The following CTNNA2 variants were observed in gnomAD, a reference collection of about 807,000 sequenced individuals.
CTNNA2 encodes catenin alpha-2.
CTNNA2 carries 42 observed loss-of-function variants against 101.0 expected under a neutral mutation model. The observed-to-expected ratio is 0.42, with a 90% CI of 0.32 to 0.54. CTNNA2 has a LOEUF of 0.54. CTNNA2 is among the 20% of genes least tolerant of loss of function. The pLI, the probability that CTNNA2 is intolerant of heterozygous loss-of-function variation, is 0.14. For synonymous variants in CTNNA2, 450 were observed against 456.4 expected (o/e 0.99, Z 0.18); for missense variants, 871 against 1,223.1 (o/e 0.71, Z 4.29).
At chr2:80,578,736 G>T (rs1695280777) in intron 13 of CTNNA2, among the ~76,000 whole-genome samples, 1 of 152,094 alleles carries the variant, frequency 6.6e-6, no homozygotes, top group Non-Finnish European at 1.5e-5. Flanking sequence ...CACTTGCTAG[G>T]TGTGATGCTT....
At chr2:79,727,992 G>C (rs1686964313) in intron 2 of CTNNA2, among the ~76,000 whole-genome samples, 1 of 151,950 alleles carries the variant, frequency 6.6e-6, no homozygotes, top group Admixed American at 6.6e-5. Flanking sequence ...GGACATTTGG[G>C]TTGGTTCCAA....
intron 3 of CTNNA2, among the ~76,000 whole-genome samples, chr2:79,365,382 G>A (rs1021350481): frequency 6.6e-6 from 1 of 152,158 alleles, no homozygotes; most frequent in African/African-American, 2.4e-5. Flanking sequence ...CAGCACTCTG[G>A]GAGGCCAAGG....
chr2:79,638,054 TC>T (rs1237490626), intron 1 of CTNNA2, among the ~76,000 whole-genome samples: 3 of 152,194 alleles, frequency 2.0e-5, no homozygotes, highest in Non-Finnish European at 4.4e-5. Context: ...GACCAAGGAC[TC>T]CCATTCACTC....
chr2:80,451,902 C>A lies in CTNNA2; in HGVS notation c.1290+32301C>A, dbSNP rs1458020781. Among the ~76,000 whole-genome samples, 4 of 151,924 alleles carry A rather than the reference C, an allele frequency of 2.6e-5. No homozygotes were observed. The East Asian group carries it at 7.7e-4, about 29-fold the overall frequency. ...AAAAGATTTTTACATATATTTAAAT[C>A]AGCATATACTAGAATAGGTTTAAGA... On this transcript the variant is annotated intron_variant, in intron 9 of 18. Coordinates refer to ENST00000402739, the MANE Select transcript of CTNNA2 (RefSeq NM_001282597.3).
intron 7 of CTNNA2, among the ~76,000 whole-genome samples, chr2:80,014,687 C>T (rs892673304): frequency 1.3e-5 from 2 of 152,174 alleles, no homozygotes; most frequent in African/African-American, 4.8e-5. Context: ...CTCTTTTTCT[C>T]TCTCCCTCTC....
intron 7 of CTNNA2, among the ~76,000 whole-genome samples, chr2:80,164,456 A>G (rs543556485): frequency 6.6e-5 from 10 of 152,114 alleles, no homozygotes; most frequent in African/African-American, 2.2e-4. Context: ...CACTTTATTT[A>G]TAGTTATTGT....
At chr2:79,681,837 A>C (rs1242636957) in intron 2 of CTNNA2, among the ~76,000 whole-genome samples, 1 of 152,216 alleles carries the variant, frequency 6.6e-6, no homozygotes, top group Non-Finnish European at 1.5e-5. Flanking sequence ...CACGGGCTTT[A>C]GCAATACTGT....
intron 3 of CTNNA2, among the ~76,000 whole-genome samples, chr2:79,745,327 G>A (rs6547270): frequency 0.44 from 66,799 of 151,632 alleles, 16,607 homozygotes; most frequent in African/African-American, 0.69. Context: ...GCCACTCAGG[G>A]GGCTGAGACA....
chr2:80,244,595 G>T (rs1362278456), intron 7 of CTNNA2, among the ~76,000 whole-genome samples: 1 of 152,212 alleles, frequency 6.6e-6, no homozygotes, highest in East Asian at 1.9e-4. Context: ...AGGAAGCTAA[G>T]TCAGGCTTCA....
intron 7 of CTNNA2, among the ~76,000 whole-genome samples, chr2:80,092,663 A>G (rs1311730883): frequency 6.6e-6 from 1 of 151,936 alleles, no homozygotes; most frequent in Non-Finnish European, 1.5e-5. Context: ...GATCATTGCC[A>G]TGGTTACAAA....
chr2:79,765,356 A>G (rs1261045410), intron 3 of CTNNA2, among the ~76,000 whole-genome samples: 1 of 152,168 alleles, frequency 6.6e-6, no homozygotes, highest in Admixed American at 6.5e-5. Flanking sequence ...AGCTATCTAA[A>G]TTATCTGCAT....
intron 1 of CTNNA2, among the ~76,000 whole-genome samples, chr2:79,604,504 G>T (rs1677757562): frequency 6.6e-6 from 1 of 152,188 alleles, no homozygotes; most frequent in Non-Finnish European, 1.5e-5. Flanking sequence ...GGGAGAATCT[G>T]AAGTGTCTAG....
chr2:80,581,747 A>C lies in CTNNA2; in HGVS notation c.1935A>C (p.Glu645Asp). ...ELEDDSDFEQ[E>D]DYDVRSRTSV... ...AGGATGATTCTGACTTTGAGCAGGA[A>C]GATTATGATGTGCGTAGCAGGACAA... The change falls in exon 14 of 19, where the codon GAA becomes GAC. Residue 645 changes from glutamate to aspartate, a missense_variant. Physicochemically the swap from Glu to Asp is conservative, Grantham distance 45. Coordinates refer to ENST00000402739, the MANE Select transcript of CTNNA2 (RefSeq NM_001282597.3). 1 of 1,613,334 alleles carries C rather than the reference A, an allele frequency of 6.2e-7. No individual in the cohort carries two copies. The highest frequency in any genetic ancestry group is 8.5e-7 in the Non-Finnish European group (1 of 1,179,450).
intron 2 of CTNNA2, among the ~76,000 whole-genome samples, chr2:79,250,831 T>C (rs1457121352): frequency 1.3e-5 from 2 of 152,190 alleles, no homozygotes; most frequent in Non-Finnish European, 1.5e-5. Context: ...CTGTTTTCTC[T>C]CTCACTTGGC....
chr2:80,170,455 A>G (rs1370429705), intron 7 of CTNNA2, among the ~76,000 whole-genome samples: 1 of 152,130 alleles, frequency 6.6e-6, no homozygotes, highest in Non-Finnish European at 1.5e-5. Context: ...GAGCCTGGTC[A>G]TTTGGCCTGG....
intron 7 of CTNNA2, among the ~76,000 whole-genome samples, chr2:80,324,424 C>A (rs1679035164): frequency 1.3e-5 from 2 of 152,084 alleles, no homozygotes; most frequent in Admixed American, 1.3e-4. Flanking sequence ...ATCATCATGA[C>A]CTCTGATCGT....
intron 6 of CTNNA2, among the ~76,000 whole-genome samples, chr2:79,886,516 C>G (rs1323876947): frequency 6.6e-6 from 1 of 151,708 alleles, no homozygotes; most frequent in Non-Finnish European, 1.5e-5. Context: ...CTTTGGGAGG[C>G]CGAGGCGGGC....
intron 1 of CTNNA2, among the ~76,000 whole-genome samples, chr2:79,592,925 T>G (rs1262182549): frequency 6.6e-6 from 1 of 152,208 alleles, no homozygotes; most frequent in Admixed American, 6.5e-5. Context: ...CAGTGATGTG[T>G]GCAGCCTAGC....
At chr2:79,703,004 A>G (rs146554033) in intron 2 of CTNNA2, among the ~76,000 whole-genome samples, 1 of 152,140 alleles carries the variant, frequency 6.6e-6, no homozygotes, top group Non-Finnish European at 1.5e-5. Context: ...ACCCTTAGAG[A>G]AAACACTCCA....
Sources: gnomAD v4.1 joint callset for allele counts (sites outside exome capture counted in the v4.1 genomes callset) on GRCh38, gnomAD v4.1.1 for gene constraint, MANE v1.5 for transcripts, NCBI Gene and HGNC (gene_info 2026-07-23, HGNC 2026-07-21) for gene names.